Variants in SYNPR observed in about 807,000 individuals in gnomAD.
SYNPR encodes synaptoporin.
In SYNPR, 23 loss-of-function variants were observed where a neutral mutation model predicts 32.9. The ratio of observed to expected loss-of-function variants is 0.70; its 90% CI spans 0.50 to 0.99. The LOEUF is 0.99. Ranked by LOEUF, SYNPR falls within the 50% of genes least tolerant of loss-of-function variation. The probability of loss-of-function intolerance (pLI) is 0.00; values close to 1 mark genes in which losing one functional copy is unlikely to be tolerated. For missense variants in SYNPR, 318 were observed against 349.3 expected, an observed-to-expected ratio of 0.91 and a Z score of 0.71; for synonymous variants, 146 against 135.9, an observed-to-expected ratio of 1.07 and a Z score of -0.52.
chr3:63,448,127 C>A (rs1700313293), intron 2 of SYNPR, among the ~76,000 whole-genome samples: 1 of 152,186 alleles, frequency 6.6e-6, no homozygotes, highest in African/African-American at 2.4e-5. Flanking sequence ...CCTCAGCCTC[C>A]TGAGTAGCTA....
Position 63,425,522 on chromosome 3 carries a change from A to G in SYNPR, c.85-55310A>G, listed in dbSNP as rs1028442346. ...ATTCAAGGTGCTCTTCTCCAATAAC[A>G]ATATTAAGATACCATTTTTGAGCTC... On this transcript the variant is annotated intron_variant, in intron 2 of 5. Coordinates refer to ENST00000478300, the MANE Select transcript of SYNPR (RefSeq NM_001130003.2). 3.9e-5 allele frequency among the ~76,000 whole-genome samples: 6 copies of G among 152,288 alleles called. No homozygotes were observed. The East Asian group carries it at 1.2e-3, about 30-fold the overall frequency.
chr3:63,565,821 T>C (rs143971699), intron 4 of SYNPR, among the ~76,000 whole-genome samples: 1 of 152,290 alleles, frequency 6.6e-6, no homozygotes, highest in East Asian at 1.9e-4. Context: ...ATTCTACTTA[T>C]GGGGAACTCT....
At position 63,468,150 on chromosome 3, in the gene SYNPR, T is replaced by C. The variant is rs149350962; in HGVS notation, c.85-12682T>C. 8.9e-3 allele frequency among the ~76,000 whole-genome samples: 1,233 copies of C among 138,328 alleles called. 52 individuals are homozygous for C. The East Asian group carries it at 0.14, about 15-fold the overall frequency. 90.7% of individuals were successfully genotyped at this position (138,328 alleles called of 152,430 possible). A position where few individuals can be genotyped will look rare whatever the true frequency, so the allele number is the denominator to read the frequency against. On this transcript the variant is annotated intron_variant, in intron 2 of 5. Coordinates refer to ENST00000478300, the MANE Select transcript of SYNPR (RefSeq NM_001130003.2). ...TGGAGGTTGCAGTGAGCAGAGATGGTGCCGTTGCACTCCAGCCTGGGCAAC... is the reference window on the plus strand; with the variant it reads ...TGGAGGTTGCAGTGAGCAGAGATGGCGCCGTTGCACTCCAGCCTGGGCAAC...
intron 3 of SYNPR, among the ~76,000 whole-genome samples, chr3:63,490,199 G>A (rs1402188122): frequency 1.3e-5 from 2 of 152,068 alleles, no homozygotes; most frequent in Non-Finnish European, 2.9e-5. Context: ...CAAGAGCAGA[G>A]GCCTGAAATC....
At chr3:63,348,799 T>C (rs1198713979) in intron 2 of SYNPR, among the ~76,000 whole-genome samples, 1 of 152,224 alleles carries the variant, frequency 6.6e-6, no homozygotes, top group Non-Finnish European at 1.5e-5. Flanking sequence ...CTTTCTCCAG[T>C]ATGTCTTTTT....
intron 3 of SYNPR, among the ~76,000 whole-genome samples, chr3:63,514,515 G>A (rs1048240796): frequency 3.5e-4 from 53 of 152,212 alleles, no homozygotes; most frequent in African/African-American, 7.2e-4. Flanking sequence ...TTTCTCTCCC[G>A]TCATCTAGGC....
intron 2 of SYNPR, among the ~76,000 whole-genome samples, chr3:63,365,043 C>T (rs780687974): frequency 2.1e-4 from 32 of 151,898 alleles, no homozygotes; most frequent in Non-Finnish European, 3.8e-4. Flanking sequence ...CACAAGTCCA[C>T]GAAAAGGGAG....
At chr3:63,587,657 G>C (rs1204638530) in intron 4 of SYNPR, among the ~76,000 whole-genome samples, 3 of 152,068 alleles carry the variant, frequency 2.0e-5, no homozygotes, top group African/African-American at 7.2e-5. Flanking sequence ...ACTTGATTCA[G>C]AAGGTGGCAC....
At position 63,391,221 on chromosome 3, in the gene SYNPR, C is replaced by T. The variant is rs373304901; in HGVS notation, c.85-89611C>T. The stretch of plus-strand genomic sequence containing the variant: ...TCCTTCCTGGTCCCTCCCTGGGGGC[C>T]CACTCACCCTAGACCACTGCAGAAT... On this transcript the variant is annotated intron_variant, in intron 2 of 5. Transcript: ENST00000478300. 2.9e-4 allele frequency among the ~76,000 whole-genome samples: 44 copies of T among 152,248 alleles called. No homozygotes were observed. In the South Asian group the frequency reaches 9.1e-3, roughly 32 times the overall value.
intron 4 of SYNPR, among the ~76,000 whole-genome samples, chr3:63,572,774 T>C (rs1020111705): frequency 5.9e-5 from 9 of 152,158 alleles, no homozygotes; most frequent in African/African-American, 2.2e-4. Flanking sequence ...CATAAAAAGG[T>C]GTAATTATGA....
chr3:63,286,493 C>A (rs1385794462), intron 2 of SYNPR, among the ~76,000 whole-genome samples: 1 of 152,168 alleles, frequency 6.6e-6, no homozygotes, highest in African/African-American at 2.4e-5. Context: ...CCCATAGAAA[C>A]TGGGGAAAAC....
intron 2 of SYNPR, among the ~76,000 whole-genome samples, chr3:63,403,065 G>A (rs1336909036): frequency 6.6e-6 from 1 of 152,110 alleles, no homozygotes; most frequent in East Asian, 1.9e-4. Flanking sequence ...ATATATTATT[G>A]TGTCAATAGT....
chr3:63,311,012 T>G (rs941416208), intron 2 of SYNPR, among the ~76,000 whole-genome samples: 5 of 91,008 alleles, frequency 5.5e-5, no homozygotes, highest in Non-Finnish European at 1.1e-4. Context: ...ATTTATGTGG[T>G]ATCCTTCCCA....
intron 3 of SYNPR, among the ~76,000 whole-genome samples, chr3:63,520,672 C>CAAAAAAAAA (rs5849560): frequency 7.7e-5 from 11 of 142,576 alleles, no homozygotes; most frequent in African/African-American, 2.9e-4. Context: ...GACTCCATCT[C>CAAAAAAAAA]AAAAAAAAAA....
intron 2 of SYNPR, among the ~76,000 whole-genome samples, chr3:63,396,028 C>T (rs545705015): frequency 2.0e-5 from 3 of 152,298 alleles, no homozygotes; most frequent in South Asian, 4.1e-4. Context: ...TTAGCTATTA[C>T]CTAATAATAA....
At chr3:63,363,995 T>C (rs964871147) in intron 2 of SYNPR, among the ~76,000 whole-genome samples, 1 of 152,196 alleles carries the variant, frequency 6.6e-6, no homozygotes, top group Non-Finnish European at 1.5e-5. Context: ...CTGCTACCCC[T>C]GACGATGCAG....
chr3:63,345,995 A>G (rs1441714250), intron 2 of SYNPR, among the ~76,000 whole-genome samples: 3 of 151,980 alleles, frequency 2.0e-5, no homozygotes, highest in Non-Finnish European at 4.4e-5. Context: ...TTGTATTTTT[A>G]GTGGAGTTGG....
intron 2 of SYNPR, among the ~76,000 whole-genome samples, chr3:63,461,327 A>G (rs918328990): frequency 1.3e-5 from 2 of 152,070 alleles, no homozygotes; most frequent in African/African-American, 4.8e-5. Flanking sequence ...CACATTCTAC[A>G]TTACCCAGCT....
intron 2 of SYNPR, among the ~76,000 whole-genome samples, chr3:63,372,352 C>T (rs538005479): frequency 1.2e-4 from 18 of 151,900 alleles, no homozygotes; most frequent in African/African-American, 4.3e-4. Flanking sequence ...GTAGCAATGG[C>T]TCTGTGTATC....
Sources: gnomAD v4.1 joint callset for allele counts (sites outside exome capture counted in the v4.1 genomes callset) on GRCh38, gnomAD v4.1.1 for gene constraint, MANE v1.5 for transcripts, NCBI Gene and HGNC (gene_info 2026-07-23, HGNC 2026-07-21) for gene names.